The following NEK10 variants were observed in gnomAD, a reference collection of about 807,000 sequenced individuals.
The protein encoded by NEK10 is NIMA related kinase 10.
NEK10 carries 122 observed loss-of-function variants against 159.8 expected under a neutral mutation model. The observed-to-expected ratio is 0.76, with a 90% CI of 0.66 to 0.89. The LOEUF (loss-of-function observed/expected upper bound fraction) is 0.89. Among genes scored for constraint, NEK10 ranks in the 40% least tolerant of loss-of-function variants. The pLI is 0.00. For missense variants in NEK10, 1,342 were observed against 1,323.1 expected (o/e 1.01, Z -0.22); for synonymous variants, 466 against 457.1 (o/e 1.02, Z -0.25).
At chr3:27,359,907 A>G (rs542446633) in intron 1 of NEK10, among the ~76,000 whole-genome samples, 1 of 152,378 alleles carries the variant, frequency 6.6e-6, no homozygotes, top group East Asian at 1.9e-4. Flanking sequence ...TAAATCTCAC[A>G]AATATACAGT....
intron 1 of NEK10, among the ~76,000 whole-genome samples, chr3:27,353,120 C>A (rs2048088520): frequency 3.3e-5 from 5 of 152,164 alleles, no homozygotes; most frequent in Admixed American, 3.3e-4. Context: ...TTAGGGCATG[C>A]TTTACCCTCA....
Position 27,359,157 on chromosome 3 carries a change from G to A in NEK10, c.-37-6238C>T, listed in dbSNP as rs149185520. Among the ~76,000 whole-genome samples, 557 of 147,036 alleles carry A rather than the reference G, an allele frequency of 3.8e-3. 20 individuals are homozygous for A. The East Asian group carries it at 0.079, about 21-fold the overall frequency. On this transcript the variant is annotated intron_variant, in intron 1 of 35. Transcript: ENST00000691995. ...GCAGAGGTTGCAGTGAGCCGAGACC[G>A]TGCCACTGCACTCCAGCCTGGACAA... is the stretch of plus-strand genomic sequence containing the variant.
intron 22 of NEK10, among the ~76,000 whole-genome samples, chr3:27,271,451 C>T (rs1350218914): frequency 6.6e-6 from 1 of 152,094 alleles, no homozygotes; most frequent in Non-Finnish European, 1.5e-5. Context: ...TCTTGACCAA[C>T]TTATAACCAA....
At chr3:27,258,850 T>C (rs1220633207) in intron 22 of NEK10, among the ~76,000 whole-genome samples, 1 of 152,154 alleles carries the variant, frequency 6.6e-6, no homozygotes, top group African/African-American at 2.4e-5. Context: ...GTAAAAGTGT[T>C]CCTATTTCTC....
intron 30 of NEK10, among the ~76,000 whole-genome samples, chr3:27,154,280 A>G (rs1157635192): frequency 6.6e-6 from 1 of 152,186 alleles, no homozygotes; most frequent in African/African-American, 2.4e-5. Context: ...CAGACCTATA[A>G]CAAGCAGTGA....
Position 27,192,192 on chromosome 3 carries a change from G to C in NEK10, c.2342C>G (p.Ser781Trp). The C allele has an allele frequency of 6.2e-7, 1 of 1,614,054 alleles. No individual in the cohort carries two copies. The highest frequency in any genetic ancestry group is 8.5e-7 in the Non-Finnish European group (1 of 1,179,976). ...TTTCATCATGACATCTGATATCATC[G>C]AACTGACTTCTACAATATCTGGACG... ...EARPDIVEVS[S>W]MISDVMMKYL... Residue 781 changes from serine (S) to tryptophan (W), a missense_variant, in exon 26 of 36, where the codon TCG becomes TGG. Ser to Trp is a radical substitution (Grantham distance 177). Coordinates refer to ENST00000691995, the MANE Select transcript of NEK10 (RefSeq NM_001394966.1).
At chr3:27,295,357 T>C (rs1419227289) in intron 15 of NEK10, among the ~76,000 whole-genome samples, 4 of 152,158 alleles carry the variant, frequency 2.6e-5, no homozygotes, top group Non-Finnish European at 4.4e-5. Flanking sequence ...TTTAAAAAAA[T>C]AGAACTTATT....
intron 20 of NEK10, 87 bp from the exon 21 acceptor site, chr3:27,285,048 A>AGT (rs2042475332): frequency 9.9e-7 from 1 of 1,007,328 alleles, no homozygotes. Context: ...CAAGCTTCCC[A>AGT]GTGTCTGTGC....
intron 23 of NEK10, among the ~76,000 whole-genome samples, chr3:27,244,707 C>T (rs1324351874): frequency 6.6e-6 from 1 of 152,152 alleles, no homozygotes; most frequent in Non-Finnish European, 1.5e-5. Context: ...GTGTAGCCTG[C>T]ACCCTCTGAA....
chr3:27,259,322 G>A (rs1423510321), intron 22 of NEK10, among the ~76,000 whole-genome samples: 1 of 152,114 alleles, frequency 6.6e-6, no homozygotes, highest in Non-Finnish European at 1.5e-5. Flanking sequence ...GTATTGCCTA[G>A]GTATTCTTCT....
chr3:27,341,387 T>C (rs1366966077), intron 5 of NEK10, among the ~76,000 whole-genome samples: 1 of 152,164 alleles, frequency 6.6e-6, no homozygotes, highest in Non-Finnish European at 1.5e-5. Flanking sequence ...CTCAAAGTGA[T>C]GTGGGCACCT....
intron 31 of NEK10, among the ~76,000 whole-genome samples, chr3:27,133,818 A>G (rs1389696394): frequency 6.6e-6 from 1 of 152,172 alleles, no homozygotes; most frequent in Admixed American, 6.5e-5. Flanking sequence ...TTGAGTCAAA[A>G]TACGTTAATT....
At chr3:27,233,316 A>C (rs1359925405) in intron 23 of NEK10, among the ~76,000 whole-genome samples, 1 of 152,172 alleles carries the variant, frequency 6.6e-6, no homozygotes, top group Admixed American at 6.6e-5. Context: ...ATCATCAGGG[A>C]AACACAAATT....
intron 32 of NEK10, among the ~76,000 whole-genome samples, chr3:27,131,036 T>C (rs1414332630): frequency 6.6e-6 from 1 of 152,220 alleles, no homozygotes; most frequent in East Asian, 1.9e-4. Flanking sequence ...TCAAAGAGCC[T>C]ATCATATTTT....
intron 5 of NEK10, among the ~76,000 whole-genome samples, chr3:27,329,095 C>T (rs573973776): frequency 6.6e-6 from 1 of 152,114 alleles, no homozygotes; most frequent in African/African-American, 2.4e-5. Context: ...CTTTCCTGTG[C>T]TGTTCTTGTG....
chr3:27,357,492 C>T (rs534967114), intron 1 of NEK10, among the ~76,000 whole-genome samples: 166 of 152,210 alleles, frequency 1.1e-3, no homozygotes, highest in African/African-American at 3.6e-3. Flanking sequence ...CATCGCTGTG[C>T]TTCTGAAACT....
rs1172916317 is a variant in NEK10, at chr3:27,108,364, A to G, written c.*2908T>C. 1.3e-5 allele frequency among the ~76,000 whole-genome samples: 2 copies of G among 152,230 alleles called. No homozygotes were observed. The highest frequency in any genetic ancestry group is 2.4e-5 in the African/African-American group (1 of 41,462). On this transcript the variant is annotated 3_prime_UTR_variant, in exon 36 of 36. Transcript: ENST00000691995. ...CTTGAAGACTCCATTTGAAGACTACATGCCTGGAGGAAGATAAAGTTAACA... is the reference window on the plus strand; with the variant it reads ...CTTGAAGACTCCATTTGAAGACTACGTGCCTGGAGGAAGATAAAGTTAACA...
chr3:27,145,149 G>A (rs1228919225), intron 30 of NEK10, among the ~76,000 whole-genome samples: 1 of 150,492 alleles, frequency 6.6e-6, no homozygotes, highest in Non-Finnish European at 1.5e-5. Context: ...AAAAAAAGCA[G>A]CATATATTTA....
At chr3:27,361,141 A>G (rs915243624) in intron 1 of NEK10, among the ~76,000 whole-genome samples, 1 of 151,972 alleles carries the variant, frequency 6.6e-6, no homozygotes, top group Non-Finnish European at 1.5e-5. Flanking sequence ...TACCACTATA[A>G]CCTCCCTATT....
Sources: allele counts gnomAD v4.1 joint callset (sites outside exome capture counted in the v4.1 genomes callset), GRCh38; gene constraint gnomAD v4.1.1; transcripts MANE v1.5; gene names NCBI Gene and HGNC (gene_info 2026-07-23, HGNC 2026-07-21).